Variants in ADCY7 observed in about 807,000 individuals in gnomAD.
The protein encoded by ADCY7 is adenylate cyclase 7.
Under a neutral mutation model 120.6 loss-of-function variants are expected in ADCY7, and 72 were observed. The ratio of observed to expected loss-of-function variants is 0.60; its 90% CI spans 0.49 to 0.73. The LOEUF (loss-of-function observed/expected upper bound fraction) is 0.73. Among genes scored for constraint, ADCY7 ranks in the 30% least tolerant of loss-of-function variants. The pLI is 0.00. For missense variants in ADCY7, 1,227 were observed against 1,486.0 expected (o/e 0.83, Z 2.87); for synonymous variants, 661 against 628.0 (o/e 1.05, Z -0.78).
chr16:50,277,134 T>G (rs1275401535), intron 1 of ADCY7, among the ~76,000 whole-genome samples: 2 of 152,234 alleles, frequency 1.3e-5, no homozygotes, highest in African/African-American at 4.8e-5. Context: ...TAGTTTCAAG[T>G]GGCCTCAGGC....
intron 1 of ADCY7, among the ~76,000 whole-genome samples, chr16:50,253,481 G>A (rs1375584356): frequency 6.6e-6 from 1 of 152,046 alleles, no homozygotes; most frequent in Non-Finnish European, 1.5e-5. Flanking sequence ...CAAACTCCTG[G>A]CCTCAAATGA....
At position 50,292,816 on chromosome 16, in the gene ADCY7, G is replaced by A. The variant is rs1270945067; in HGVS notation, c.678G>A (p.Lys226=). 6.2e-7 allele frequency: 1 copy of A among 1,613,290 alleles called. No individual in the cohort carries two copies. The highest frequency in any genetic ancestry group is 1.3e-5 in the African/African-American group (1 of 74,908). ...IQIRRKLRIE[K]RQQENLLLSV... is the part of the protein sequence containing the mutation. ...TCCGCCGGAAGCTGCGCATCGAGAAGCGCCAGCAGGTGGGACCCGGCCCCC... is the reference window on the plus strand; with the variant it reads ...TCCGCCGGAAGCTGCGCATCGAGAAACGCCAGCAGGTGGGACCCGGCCCCC... The change falls in exon 5 of 26, where the codon AAG becomes AAA. Residue 226 remains lysine, a synonymous_variant. Coordinates refer to ENST00000673801, the MANE Select transcript of ADCY7 (RefSeq NM_001114.5).
chr16:50,282,081 G>T (rs899553025), intron 1 of ADCY7, among the ~76,000 whole-genome samples: 2 of 152,120 alleles, frequency 1.3e-5, no homozygotes, highest in African/African-American at 2.4e-5. Flanking sequence ...TCACTCCAAG[G>T]TCCCCACTTC....
At chr16:50,298,774 CTG>C in intron 7 of ADCY7, 128 bp from the exon 8 acceptor site, 1 of 1,348,024 alleles carries the variant, frequency 7.4e-7, no homozygotes, top group Non-Finnish European at 1.0e-6. Flanking sequence ...CTCCTGGTGA[CTG>C]GACCCCAGGA....
In ADCY7 at chr16:50,304,786, C is replaced by T. The variant is rs1045767873; in HGVS notation, c.1561-139C>T. ...TGCCTGGACCACGCTCAGCTATAGT[C>T]AGGATGTCTGTGGCTTGGACGACCC... is the stretch of plus-strand genomic sequence containing the variant. On this transcript the variant is annotated intron_variant, in intron 11 of 25. Coordinates refer to ENST00000673801, the MANE Select transcript of ADCY7 (RefSeq NM_001114.5). 2.1e-5 allele frequency: 26 copies of T among 1,217,570 alleles called. 2 individuals carry two copies. Among genetic ancestry groups the T allele is most frequent in the Middle Eastern group, 3.8e-4 (2 of 5,266 alleles). The allele number at this position is 1,217,570 out of a possible 1,614,324, so 75.4% of individuals were successfully genotyped here.
At position 50,292,721 on chromosome 16, in the gene ADCY7, G is replaced by T. The variant is rs750457491; in HGVS notation, c.583G>T (p.Ala195Ser). The change falls in exon 5 of 26, where the codon GCC becomes TCC. Residue 195 changes from alanine (A) to serine (S), a missense_variant. Physicochemically the swap from Ala to Ser is moderately conservative, Grantham distance 99 (BLOSUM62 1). Coordinates refer to ENST00000673801, the MANE Select transcript of ADCY7 (RefSeq NM_001114.5). ...VIFLCGNLTG[A>S]FHKHQMQDAS... ...CTTCCTGTGTGGGAACCTGACAGGC[G>T]CCTTCCACAAGCACCAAATGCAGGA... The T allele has an allele frequency of 1.9e-6, 3 of 1,613,808 alleles. No homozygotes were observed. The highest frequency in any genetic ancestry group is 3.3e-4 in the Middle Eastern group (2 of 6,082).
chr16:50,282,369 C>T (rs1367566688), intron 1 of ADCY7, among the ~76,000 whole-genome samples: 1 of 152,242 alleles, frequency 6.6e-6, no homozygotes, highest in Admixed American at 6.5e-5. Context: ...TTGCTTCCAG[C>T]AGGTCTTCTG....
At chr16:50,269,590 T>A (rs1231542838) in intron 1 of ADCY7, among the ~76,000 whole-genome samples, 2 of 152,012 alleles carry the variant, frequency 1.3e-5, no homozygotes, top group Non-Finnish European at 2.9e-5. Context: ...AGGAGGTAGG[T>A]GGTTTGTCCA....
chr16:50,298,840 C>T (rs1019679942), intron 7 of ADCY7, 64 bp from the exon 8 acceptor site: 35 of 1,558,098 alleles, frequency 2.2e-5, no homozygotes, highest in Non-Finnish European at 2.8e-5. Flanking sequence ...TGGGGGGAGG[C>T]GGCTGTCGTG....
intron 3 of ADCY7, among the ~76,000 whole-genome samples, 193 bp downstream of exon 3, chr16:50,290,853 G>C (rs942915654): frequency 2.0e-5 from 3 of 152,222 alleles, no homozygotes; most frequent in Non-Finnish European, 4.4e-5. Context: ...CGGACGCTGG[G>C]CTGCAGCACT....
At chr16:50,303,741 C>T (rs2035882266) in intron 10 of ADCY7, among the ~76,000 whole-genome samples, 1 of 152,118 alleles carries the variant, frequency 6.6e-6, no homozygotes, top group Admixed American at 6.6e-5. Flanking sequence ...GGCCCTGTGC[C>T]ATCTGCGGTT....
intron 1 of ADCY7, among the ~76,000 whole-genome samples, chr16:50,268,512 C>T (rs188550733): frequency 2.0e-3 from 304 of 152,256 alleles, no homozygotes; most frequent in Non-Finnish European, 3.4e-3. Flanking sequence ...GCAATCTTAC[C>T]GCCTCAGCCT....
intron 1 of ADCY7, among the ~76,000 whole-genome samples, chr16:50,285,381 A>G (rs2150929048): frequency 6.6e-6 from 1 of 152,342 alleles, no homozygotes; most frequent in South Asian, 2.1e-4. Flanking sequence ...GTGATGGAAT[A>G]GGAACTTCCA....
intron 1 of ADCY7, among the ~76,000 whole-genome samples, chr16:50,283,435 T>G (rs890480255): frequency 1.3e-5 from 2 of 152,204 alleles, no homozygotes; most frequent in African/African-American, 4.8e-5. Flanking sequence ...AACGCCTCTT[T>G]CCCTGGGTCA....
upstream of ADCY7, among the ~76,000 whole-genome samples, chr16:50,264,264 C>T (rs1189469791): frequency 1.3e-5 from 2 of 152,216 alleles, no homozygotes; most frequent in African/African-American, 4.8e-5. Flanking sequence ...CTGTCCTTGC[C>T]ATCTTGGATA....
rs573255449 is a variant in ADCY7, at chr16:50,290,250, C to T, written c.172-207C>T. 2.1e-4 allele frequency among the ~76,000 whole-genome samples: 32 copies of T among 152,192 alleles called. 1 individual carries two copies. The highest frequency in any genetic ancestry group is 5.8e-4 in the East Asian group (3 of 5,174). ...GGGCTGTGGGTGATGCTCTGGTTCCCGAGATGATGGGAAGGGGGTGGTTGA... is the reference window on the plus strand; with the variant it reads ...GGGCTGTGGGTGATGCTCTGGTTCCTGAGATGATGGGAAGGGGGTGGTTGA... On this transcript the variant is annotated intron_variant, in intron 2 of 25. Coordinates refer to ENST00000673801, the MANE Select transcript of ADCY7 (RefSeq NM_001114.5).
chr16:50,281,330 G>T (rs1234265367), intron 1 of ADCY7, among the ~76,000 whole-genome samples: 4 of 152,274 alleles, frequency 2.6e-5, no homozygotes, highest in Non-Finnish European at 5.9e-5. Context: ...GGGATTGGGT[G>T]CAGGCATCCT....
chr16:50,267,445 A>C (rs953203949), intron 1 of ADCY7, among the ~76,000 whole-genome samples: 1 of 152,224 alleles, frequency 6.6e-6, no homozygotes, highest in African/African-American at 2.4e-5. Context: ...GGGGGAAGCC[A>C]AGGGCCTGGA....
intron 1 of ADCY7, among the ~76,000 whole-genome samples, chr16:50,279,141 G>C (rs2034096686): frequency 6.6e-6 from 1 of 152,114 alleles, no homozygotes; most frequent in Admixed American, 6.5e-5. Flanking sequence ...CAAAGTGCTG[G>C]GATTACAGGT....
Sources: allele counts gnomAD v4.1 joint callset (sites outside exome capture counted in the v4.1 genomes callset), GRCh38; gene constraint gnomAD v4.1.1; transcripts MANE v1.5; gene names NCBI Gene and HGNC (gene_info 2026-07-23, HGNC 2026-07-21).